Variants in DMXL2 observed in about 807,000 individuals in gnomAD.
DMXL2 encodes the protein dmX-like protein 2.
A neutral mutation model predicts 331.1 loss-of-function variants in DMXL2; 103 were observed. The observed-to-expected ratio is 0.31, with a 90% confidence interval of 0.27 to 0.37. The LOEUF (loss-of-function observed/expected upper bound fraction) is 0.37. Ranked by LOEUF, DMXL2 falls within the 10% of genes least tolerant of loss-of-function variation. The pLI, the probability that DMXL2 is intolerant of heterozygous loss-of-function variation, is 1.00. For missense variants in DMXL2, 3,171 were observed against 3,642.9 expected (o/e 0.87, Z 3.33); for synonymous variants, 1,281 against 1,252.1 (o/e 1.02, Z -0.49).
rs1331994383 is a variant in DMXL2, at chr15:51,622,479, C to G, written c.67G>C (p.Val23Leu). 17 of 1,567,950 alleles carry G rather than the reference C, an allele frequency of 1.1e-5. 1 individual carries two copies. In the East Asian group the frequency reaches 4.1e-4, roughly 37 times the overall value. Residue 23 changes from valine to leucine, a missense_variant, in exon 1 of 44, where the codon GTC (valine) becomes CTC (leucine). Coordinates refer to ENST00000560891, the MANE Select transcript of DMXL2 (RefSeq NM_001378457.1). ...PGDNCYSVGS[V>L]GDVPFTAYGS... The stretch of plus-strand genomic sequence containing the variant: ...CTCACCGTGAAGGGGACATCCCCGA[C>G]GCTGCCCACGGAGTAGCAGTTGTCT...
chr15:51,522,012 A>G (rs998432607), intron 13 of DMXL2, among the ~76,000 whole-genome samples: 30 of 152,080 alleles, frequency 2.0e-4, no homozygotes, highest in Admixed American at 7.9e-4. Flanking sequence ...TCCTTTATTT[A>G]TTTGTAGAAT....
At chr15:51,576,250 C>T in intron 1 of DMXL2, 69 bp from the exon 2 acceptor site, 1 of 1,132,410 alleles carries the variant, frequency 8.8e-7, no homozygotes, top group Non-Finnish European at 1.2e-6. Flanking sequence ...TTATTACATA[C>T]TATTTTATCT....
Position 51,458,284 on chromosome 15 carries a change from C to T in DMXL2, c.8198+222G>A, listed in dbSNP as rs1015929817. Among the ~76,000 whole-genome samples the T allele has an allele frequency of 2.6e-5, 4 of 152,240 alleles. No homozygotes were observed. In the South Asian group the frequency reaches 6.2e-4, roughly 24 times the overall value. Reference sequence around the variant, plus strand: ...CATGAAGCCAAGTGTTAGGGATTATCCTTATTGAAATATTATCAATAGTGT... The same window carrying T: ...CATGAAGCCAAGTGTTAGGGATTATTCTTATTGAAATATTATCAATAGTGT... On this transcript the variant is annotated intron_variant, in intron 36 of 43. Coordinates refer to ENST00000560891, the MANE Select transcript of DMXL2 (RefSeq NM_001378457.1).
chr15:51,591,488 A>G (rs1297249487), intron 1 of DMXL2, among the ~76,000 whole-genome samples: 3 of 152,188 alleles, frequency 2.0e-5, no homozygotes, highest in Admixed American at 1.3e-4. Context: ...CTGCCTCTGT[A>G]GACTCCACCT....
In DMXL2 at chr15:51,478,298, T is replaced by C. The variant is rs2041745848; in HGVS notation, c.6806A>G (p.Gln2269Arg). Residue 2269 changes from glutamine (Q) to arginine (R), a missense_variant, in exon 26 of 44, where the codon CAA becomes CGA. This residue lies in a region of DMXL2 where 18 missense variants were observed against 40.9 expected (regional missense o/e 0.44). Transcript: ENST00000560891. The part of the protein sequence containing the change: ...LAASLSASIY[Q>R]ALCDSHSYSS... Reference sequence around the variant, plus strand: ...GTAGCTATGACTGTCACATAATGCTTGGTAAATTGATGCAGAAAGTGATGC... The same window carrying C: ...GTAGCTATGACTGTCACATAATGCTCGGTAAATTGATGCAGAAAGTGATGC... The C allele has an allele frequency of 6.2e-7, 1 of 1,613,134 alleles. No individual in the cohort carries two copies. The highest frequency in any genetic ancestry group is 1.7e-5 in the Admixed American group (1 of 59,990).
At chr15:51,456,497 G>C (rs1314683497) in intron 37 of DMXL2, 128 bp from the exon 38 acceptor site, 2 of 641,242 alleles carry the variant, frequency 3.1e-6, no homozygotes, top group East Asian at 5.7e-5. Context: ...GCCTGTTATG[G>C]ATGTTCTGAA....
At chr15:51,509,566 T>C (rs2046625886) in intron 15 of DMXL2, among the ~76,000 whole-genome samples, 1 of 152,134 alleles carries the variant, frequency 6.6e-6, no homozygotes, top group Non-Finnish European at 1.5e-5. Flanking sequence ...CAGTAATTAA[T>C]ATCCTATCAA....
chr15:51,583,121 CTTT>C (rs1171970352), intron 1 of DMXL2, among the ~76,000 whole-genome samples: 15 of 34,884 alleles, frequency 4.3e-4, no homozygotes, highest in African/African-American at 1.3e-3. Context: ...TTTTTTTTTT[CTTT>C]TTTTTTTTTT....
chr15:51,511,391 A>G lies in DMXL2; in HGVS notation c.2644+3051T>C, dbSNP rs1471563717. ...AAAAGTGGGCAAAGGATATGAACAG[A>G]CACTTCTCAAAAGAACACATTTATG... On this transcript the variant is annotated intron_variant, in intron 15 of 43. Coordinates refer to ENST00000560891, the MANE Select transcript of DMXL2 (RefSeq NM_001378457.1). Among the ~76,000 whole-genome samples the G allele has an allele frequency of 6.6e-5, 10 of 152,376 alleles. No individual in the cohort carries two copies. The East Asian group carries it at 1.9e-3, about 29-fold the overall frequency.
intron 2 of DMXL2, among the ~76,000 whole-genome samples, chr15:51,575,696 C>G (rs2050977722): frequency 6.6e-6 from 1 of 151,992 alleles, no homozygotes; most frequent in African/African-American, 2.4e-5. Context: ...CTTAATAAAA[C>G]TTTGATGTTA....
intron 1 of DMXL2, among the ~76,000 whole-genome samples, chr15:51,586,098 G>C (rs1443140972): frequency 1.3e-5 from 2 of 152,178 alleles, no homozygotes; most frequent in African/African-American, 4.8e-5. Flanking sequence ...GTCCACTCGA[G>C]AGTGCTGAAT....
chr15:51,465,824 C>T (rs927636317), intron 30 of DMXL2, among the ~76,000 whole-genome samples, 173 bp from the exon 31 acceptor site: 2 of 152,164 alleles, frequency 1.3e-5, no homozygotes, highest in African/African-American at 4.8e-5. Flanking sequence ...AAAAAACTTG[C>T]AATACTATAT....
intron 23 of DMXL2, among the ~76,000 whole-genome samples, chr15:51,485,034 C>CAAAAAAAAAAAA: frequency 1.0e-5 from 1 of 99,780 alleles, no homozygotes; most frequent in Non-Finnish European, 2.0e-5. Context: ...TCAGGCAAAC[C>CAAAAAAAAAAAA]AAAAAAAAAA....
chr15:51,553,537 G>A (rs909708177), intron 6 of DMXL2, among the ~76,000 whole-genome samples: 2 of 152,094 alleles, frequency 1.3e-5, no homozygotes, highest in Non-Finnish European at 2.9e-5. Flanking sequence ...ACATGGGTTT[G>A]AACTGCACAG....
intron 13 of DMXL2, among the ~76,000 whole-genome samples, chr15:51,533,749 C>T (rs1279539429): frequency 6.6e-6 from 1 of 152,070 alleles, no homozygotes; most frequent in Non-Finnish European, 1.5e-5. Flanking sequence ...TCACAGAAAT[C>T]CTTGAAACAA....
chr15:51,522,473 C>G (rs529068550), intron 13 of DMXL2, among the ~76,000 whole-genome samples: 1 of 152,074 alleles, frequency 6.6e-6, no homozygotes, highest in South Asian at 2.1e-4. Context: ...GGTGAAACCC[C>G]TAGCTACTAA....
At chr15:51,478,569 C>T (rs962947314) in intron 25 of DMXL2, among the ~76,000 whole-genome samples, 6 of 152,012 alleles carry the variant, frequency 3.9e-5, no homozygotes, top group African/African-American at 1.4e-4. Flanking sequence ...TTTAATCAAA[C>T]AGTTACTTAC....
At chr15:51,599,892 G>A (rs2053107001) in intron 1 of DMXL2, among the ~76,000 whole-genome samples, 1 of 152,020 alleles carries the variant, frequency 6.6e-6, no homozygotes, top group Non-Finnish European at 1.5e-5. Flanking sequence ...GTAGAGACAG[G>A]GTTTCACTGT....
intron 1 of DMXL2, among the ~76,000 whole-genome samples, chr15:51,616,405 T>C (rs1448848143): frequency 6.6e-6 from 1 of 152,122 alleles, no homozygotes; most frequent in East Asian, 1.9e-4. Flanking sequence ...AAATAAGAAG[T>C]GCAGGCAACT....
Sources: allele counts gnomAD v4.1 joint callset (sites outside exome capture counted in the v4.1 genomes callset), GRCh38; gene constraint gnomAD v4.1.1; regional missense constraint gnomAD v4.1.1; transcripts MANE v1.5; gene names NCBI Gene and HGNC (gene_info 2026-07-23, HGNC 2026-07-21).